CRB1: variants seen among roughly 807,000 people sequenced by gnomAD.
The protein encoded by CRB1 is crumbs cell polarity complex component 1.
In CRB1, 83 loss-of-function variants were observed where a neutral mutation model predicts 120.0. That is an observed-to-expected ratio of 0.69 (90% CI 0.58 to 0.83). CRB1 has a LOEUF of 0.83. Among genes scored for constraint, CRB1 ranks in the 40% least tolerant of loss-of-function variants. The pLI, the probability that CRB1 is intolerant of heterozygous loss-of-function variation, is 0.00. For missense variants in CRB1, 1,699 were observed against 1,687.6 expected, an observed-to-expected ratio of 1.01 and a Z score of -0.12; for synonymous variants, 625 against 612.5, an observed-to-expected ratio of 1.02 and a Z score of -0.30.
At chr1:197,215,763 T>C in the CRB1 span, among the ~76,000 whole-genome samples, 38 of 152,280 alleles carry the variant, frequency 2.5e-4, no homozygotes, top group East Asian at 7.2e-3. Flanking sequence ...TCCTGAGGCC[T>C]TCCCAGCCAT....
chr1:197,255,559 T>A, the CRB1 span, among the ~76,000 whole-genome samples: 1 of 152,070 alleles, frequency 6.6e-6, no homozygotes, highest in Non-Finnish European at 1.5e-5. Flanking sequence ...TTAGTAATTA[T>A]AAGAAGGAGC....
chr1:197,442,166 G>A lies in CRB1; in HGVS notation c.3879G>A (p.Trp1293Ter), dbSNP rs281865174. 1 of 1,614,080 alleles carries A rather than the reference G, an allele frequency of 6.2e-7. No homozygotes were observed. The highest frequency in any genetic ancestry group is 8.5e-7 in the Non-Finnish European group (1 of 1,180,004). ...TTCTGCTGTTCTGTTTATTTTGAAG[G>A]TGTGAAAAGGACATTGATGAGTGTG... ...CMCRPGFTGE[W>*]CEKDIDECAS... Residue 1293 changes from tryptophan to a stop codon, truncating the protein, a stop_gained and splice_region_variant, in exon 11 of 12, where the codon TGG becomes TGA. Coordinates refer to ENST00000367400, the MANE Select transcript of CRB1 (RefSeq NM_201253.3). LOFTEE classifies it high-confidence loss of function.
At chr1:197,406,374 G>A (rs1663394533) in intron 5 of CRB1, among the ~76,000 whole-genome samples, 1 of 152,166 alleles carries the variant, frequency 6.6e-6, no homozygotes, top group East Asian at 1.9e-4. Flanking sequence ...ATGCTTGAAG[G>A]CAGCATGCTC....
the CRB1 span, among the ~76,000 whole-genome samples, chr1:197,234,099 G>C: frequency 6.6e-6 from 1 of 152,160 alleles, no homozygotes; most frequent in Non-Finnish European, 1.5e-5. Context: ...GCATGTGGAT[G>C]CATCTATGGG....
At chr1:197,229,783 TC>T in the CRB1 span, among the ~76,000 whole-genome samples, 1 of 152,176 alleles carries the variant, frequency 6.6e-6, no homozygotes, top group South Asian at 2.1e-4. Flanking sequence ...CCTCTGCCTC[TC>T]ATTTCAAAGA....
At chr1:197,271,722 A>C (rs1386696881) in intron 1 of CRB1, among the ~76,000 whole-genome samples, 1 of 152,176 alleles carries the variant, frequency 6.6e-6, no homozygotes, top group Non-Finnish European at 1.5e-5. Flanking sequence ...CTTTATAATA[A>C]ACTCTTTTTG....
At chr1:197,226,195 C>T in the CRB1 span, among the ~76,000 whole-genome samples, 2 of 152,230 alleles carry the variant, frequency 1.3e-5, no homozygotes, top group Admixed American at 6.5e-5. Context: ...AGGCATGAGC[C>T]ACTGCACCCA....
At chr1:197,387,025 C>T (rs1237731700) in intron 5 of CRB1, among the ~76,000 whole-genome samples, 3 of 152,086 alleles carry the variant, frequency 2.0e-5, no homozygotes, top group African/African-American at 2.4e-5. Flanking sequence ...ACAAGTAGCT[C>T]GCTTTCTCTC....
chr1:197,277,904 T>A (rs372974176), intron 1 of CRB1, among the ~76,000 whole-genome samples: 24 of 151,946 alleles, frequency 1.6e-4, no homozygotes, highest in African/African-American at 5.8e-4. Context: ...TAGACATTGA[T>A]GAGCAGAGTG....
At chr1:197,450,912 A>T (rs1367900167) in intron 11 of CRB1, among the ~76,000 whole-genome samples, 1 of 140,576 alleles carries the variant, frequency 7.1e-6, no homozygotes, top group Non-Finnish European at 1.5e-5. Context: ...GTGAGCTGAG[A>T]TCGTGCCACT....
chr1:197,429,063 T>C (rs1486173797), intron 7 of CRB1: 3 of 1,497,670 alleles, frequency 2.0e-6, no homozygotes, highest in Non-Finnish European at 2.7e-6. Flanking sequence ...GTGTAGGATC[T>C]TGGGCAACTG....
intron 11 of CRB1, among the ~76,000 whole-genome samples, chr1:197,453,879 ATATATTATTAATATTAT>A (rs1258727134): frequency 1.4e-5 from 2 of 141,144 alleles, no homozygotes; most frequent in South Asian, 2.1e-4. Context: ...TATTAATAAT[ATATATTATTAATATTAT>A]TATATTATTA....
chr1:197,424,814 G>A (rs1571532319), intron 6 of CRB1, among the ~76,000 whole-genome samples: 1 of 152,058 alleles, frequency 6.6e-6, no homozygotes, highest in Non-Finnish European at 1.5e-5. Flanking sequence ...AATCATTAAA[G>A]CTTGCCAAAA....
rs546632677 is a variant in CRB1 at position 197,311,601 on chromosome 1, C to T, written c.71-16821C>T. 2.0e-5 allele frequency among the ~76,000 whole-genome samples: 3 copies of T among 151,898 alleles called. No homozygotes were observed. The South Asian group carries it at 6.2e-4, about 32-fold the overall frequency. On this transcript the variant is annotated intron_variant, in intron 1 of 11. Coordinates refer to ENST00000367400, the MANE Select transcript of CRB1 (RefSeq NM_201253.3). ...TACAATTGACAGATAATATTGTACA[C>T]ATTTAAGATGAACACTATGATGCTT...
the CRB1 span, among the ~76,000 whole-genome samples, chr1:197,231,695 C>A: frequency 6.6e-6 from 1 of 152,080 alleles, no homozygotes; most frequent in Non-Finnish European, 1.5e-5. Context: ...AGTGGATATA[C>A]CATGTATATG....
chr1:197,308,670 A>T (rs1030990580), intron 1 of CRB1, among the ~76,000 whole-genome samples: 1 of 152,048 alleles, frequency 6.6e-6, no homozygotes, highest in Non-Finnish European at 1.5e-5. Flanking sequence ...AGATTTATCT[A>T]TTAGTTGTAT....
At chr1:197,389,286 A>G (rs575628653) in intron 5 of CRB1, among the ~76,000 whole-genome samples, 18 of 152,300 alleles carry the variant, frequency 1.2e-4, no homozygotes, top group Non-Finnish European at 1.2e-4. Flanking sequence ...ATGACTGGCT[A>G]AACAAAATAT....
At chr1:197,303,949 T>C (rs940566470) in intron 1 of CRB1, among the ~76,000 whole-genome samples, 3 of 152,096 alleles carry the variant, frequency 2.0e-5, no homozygotes, top group African/African-American at 7.2e-5. Flanking sequence ...GATCATGCCA[T>C]TGCATGCCAC....
intron 2 of CRB1, among the ~76,000 whole-genome samples, chr1:197,331,922 C>G (rs2125309541): frequency 6.6e-6 from 1 of 152,208 alleles, no homozygotes; most frequent in Non-Finnish European, 1.5e-5. Context: ...CGCCTGTAAT[C>G]CCAGCACTTT....
Sources: gnomAD v4.1 joint callset for allele counts (sites outside exome capture counted in the v4.1 genomes callset) on GRCh38, gnomAD v4.1.1 for gene constraint, MANE v1.5 for transcripts, NCBI Gene and HGNC (gene_info 2026-07-23, HGNC 2026-07-21) for gene names.